The following ABLIM3 variants were observed in gnomAD, a reference collection of about 807,000 sequenced individuals.
The protein encoded by ABLIM3 is actin binding LIM protein family member 3, also known as actin-binding LIM protein 3.
A neutral mutation model predicts 109.5 loss-of-function variants in ABLIM3; 61 were observed. The observed-to-expected ratio is 0.56, with a 90% CI of 0.45 to 0.69. The LOEUF is 0.69. Among genes scored for constraint, ABLIM3 ranks in the 30% least tolerant of loss-of-function variants. The pLI, the probability that ABLIM3 is intolerant of heterozygous loss-of-function variation, is 0.00. For synonymous variants in ABLIM3, 300 were observed against 324.8 expected (o/e 0.92, Z 0.82); for missense variants, 796 against 889.5 (o/e 0.89, Z 1.34).
intron 2 of ABLIM3, among the ~76,000 whole-genome samples, chr5:149,171,367 T>A (rs1166754105): frequency 2.0e-5 from 3 of 152,206 alleles, no homozygotes; most frequent in African/African-American, 7.2e-5. Flanking sequence ...ATGTGATAAG[T>A]GCTTTATGTA....
chr5:149,222,345 C>T (rs1760736301), intron 8 of ABLIM3, among the ~76,000 whole-genome samples: 2 of 152,046 alleles, frequency 1.3e-5, no homozygotes, highest in South Asian at 4.1e-4. Flanking sequence ...CCAAAGTGGG[C>T]CTGTCTTGCT....
chr5:149,161,120 C>T (rs766284129), intron 2 of ABLIM3, among the ~76,000 whole-genome samples: 1 of 152,202 alleles, frequency 6.6e-6, no homozygotes, highest in Non-Finnish European at 1.5e-5. Context: ...AGGTCCGGAG[C>T]CTGTCCTCTA....
At chr5:149,219,700 A>G (rs576781428) in intron 8 of ABLIM3, 2 of 152,312 alleles carry the variant, frequency 1.3e-5, no homozygotes, top group East Asian at 3.9e-4. Context: ...TGCTGCAGGA[A>G]CCAGTGTTAT....
intron 17 of ABLIM3, 194 bp from the exon 18 acceptor site, chr5:149,247,588 C>G: frequency 1.3e-6 from 1 of 796,562 alleles, no homozygotes; most frequent in Non-Finnish European, 2.1e-6. Context: ...ACCCAGACCA[C>G]AGGACAACTT....
intron 2 of ABLIM3, among the ~76,000 whole-genome samples, chr5:149,159,282 G>T (rs1754115269): frequency 6.6e-6 from 1 of 152,112 alleles, no homozygotes. Flanking sequence ...ATAAATGAGG[G>T]CATACTGTAT....
chr5:149,254,739 G>A (rs1754278432), intron 23 of ABLIM3, among the ~76,000 whole-genome samples: 1 of 152,182 alleles, frequency 6.6e-6, no homozygotes, highest in Admixed American at 6.5e-5. Context: ...CAGTGCTGAA[G>A]GGGACAGCTC....
At chr5:149,248,859 G>GAC (rs55707887) in intron 18 of ABLIM3, among the ~76,000 whole-genome samples, 17,590 of 144,370 alleles carry the variant, frequency 0.12, 1,141 homozygotes, top group Middle Eastern at 0.21. Flanking sequence ...CCTATTCCTG[G>GAC]ACACACACAC....
intron 11 of ABLIM3, 72 bp downstream of exon 11, chr5:149,237,675 C>T: frequency 6.3e-7 from 1 of 1,579,420 alleles, no homozygotes; most frequent in Admixed American, 1.8e-5. Flanking sequence ...CAGCCCTCTC[C>T]ATCACAGACA....
At chr5:149,247,300 G>A (rs187665130) in intron 17 of ABLIM3, among the ~76,000 whole-genome samples, 29 of 152,322 alleles carry the variant, frequency 1.9e-4, no homozygotes, top group Admixed American at 1.7e-3. Context: ...CGGGGAGAGG[G>A]GAATGGGGAG....
Position 149,207,108 on chromosome 5 carries a change from C to T in ABLIM3, c.549C>T (p.Val183=). 6 of 1,614,040 alleles carry T rather than the reference C, an allele frequency of 3.7e-6. No individual in the cohort carries two copies. Among genetic ancestry groups the T allele is most frequent in the Non-Finnish European group, 5.1e-6 (6 of 1,179,958 alleles). The change falls in exon 6 of 24, where the codon GTC becomes GTT. Residue 183 remains valine, a synonymous_variant. Transcript: ENST00000309868. ...GCTTCAAGTGCCAGACCTGCAGCGT[C>T]ATCCTCACCGGGGAGTATATCAGCA... ...VSCFKCQTCS[V]ILTGEYISKD...
intron 23 of ABLIM3, among the ~76,000 whole-genome samples, chr5:149,254,451 G>A (rs1356848844): frequency 1.3e-5 from 2 of 152,204 alleles, no homozygotes; most frequent in African/African-American, 2.4e-5. Context: ...TGGGCTGGGA[G>A]AGGTGTCAGA....
At position 149,157,103 on chromosome 5, in the gene ABLIM3, C is replaced by T. The variant is rs185064646; in HGVS notation, c.13+14995C>T. 1.2e-3 allele frequency among the ~76,000 whole-genome samples: 178 copies of T among 152,318 alleles called. 2 individuals carry two copies. Among genetic ancestry groups the T allele is most frequent in the Non-Finnish European group, 4.1e-4 (28 of 68,030 alleles). ...AATAGACACAGAGAGGACCAGAAAG[C>T]GTTCCATTCTTTGTGTTGCCTTCAT... is the stretch of plus-strand genomic sequence containing the variant. On this transcript the variant is annotated intron_variant, in intron 2 of 23. Coordinates refer to ENST00000309868, the MANE Select transcript of ABLIM3 (RefSeq NM_014945.5).
At chr5:149,143,365 A>AC (rs1752657574) in intron 2 of ABLIM3, among the ~76,000 whole-genome samples, 1 of 151,972 alleles carries the variant, frequency 6.6e-6, no homozygotes, top group Non-Finnish European at 1.5e-5. Context: ...TCTGTCTCAA[A>AC]AAATAATAAT....
intron 2 of ABLIM3, among the ~76,000 whole-genome samples, chr5:149,181,077 T>A (rs1756412468): frequency 6.6e-6 from 1 of 152,190 alleles, no homozygotes; most frequent in African/African-American, 2.4e-5. Context: ...TCAGCGTTAA[T>A]GATGATGATT....
chr5:149,145,863 G>A (rs1752860504), intron 2 of ABLIM3, among the ~76,000 whole-genome samples: 1 of 151,484 alleles, frequency 6.6e-6, no homozygotes, highest in South Asian at 2.1e-4. Flanking sequence ...ATGGAACACT[G>A]TAGGCTCAGC....
intron 2 of ABLIM3, among the ~76,000 whole-genome samples, chr5:149,153,375 G>A (rs1753606372): frequency 6.6e-6 from 1 of 152,084 alleles, no homozygotes; most frequent in Non-Finnish European, 1.5e-5. Context: ...AACATGACTT[G>A]AACTCTTCCC....
At chr5:149,154,299 C>T (rs573943574) in intron 2 of ABLIM3, among the ~76,000 whole-genome samples, 1 of 152,326 alleles carries the variant, frequency 6.6e-6, no homozygotes, top group South Asian at 2.1e-4. Flanking sequence ...TCACAGTCAG[C>T]ATGAGTTGTT....
At chr5:149,201,783 T>G (rs1419880751) in intron 5 of ABLIM3, among the ~76,000 whole-genome samples, 1 of 151,914 alleles carries the variant, frequency 6.6e-6, no homozygotes, top group Non-Finnish European at 1.5e-5. Context: ...CTGTGGCCAA[T>G]GCTGCTGAGG....
intron 10 of ABLIM3, among the ~76,000 whole-genome samples, chr5:149,236,957 A>C (rs1473781502): frequency 6.6e-6 from 1 of 152,180 alleles, no homozygotes; most frequent in Non-Finnish European, 1.5e-5. Context: ...CTAGTGTTTT[A>C]CTATCATGAT....
Sources: gnomAD v4.1 joint callset for allele counts (sites outside exome capture counted in the v4.1 genomes callset) on GRCh38, gnomAD v4.1.1 for gene constraint, MANE v1.5 for transcripts, NCBI Gene and HGNC (gene_info 2026-07-23, HGNC 2026-07-21) for gene names.